ST3GAL3: variants seen among roughly 807,000 people sequenced by gnomAD.
ST3GAL3 encodes CMP-N-acetylneuraminate-beta-1,4-galactoside alpha-2,3-sialyltransferase.
ST3GAL3 carries 21 observed loss-of-function variants against 50.1 expected under a neutral mutation model. The observed-to-expected ratio is 0.42, with a 90% CI of 0.30 to 0.60. The LOEUF (loss-of-function observed/expected upper bound fraction) is 0.60. Among genes scored for constraint, ST3GAL3 ranks in the 20% least tolerant of loss-of-function variants. The pLI is 0.19. For synonymous variants in ST3GAL3, 183 were observed against 190.0 expected, an observed-to-expected ratio of 0.96 and a Z score of 0.30; for missense variants, 353 against 489.4, an observed-to-expected ratio of 0.72 and a Z score of 2.63.
chr1:43,754,567 G>T (rs1687365576), intron 2 of ST3GAL3, among the ~76,000 whole-genome samples: 1 of 152,174 alleles, frequency 6.6e-6, no homozygotes, highest in Non-Finnish European at 1.5e-5. Flanking sequence ...AGGCTCGTTG[G>T]ATGAAGCTGA....
chr1:43,911,616 GATATATCTATAGATATCT>G (rs1343184030), intron 9 of ST3GAL3, among the ~76,000 whole-genome samples: 1 of 133,308 alleles, frequency 7.5e-6, no homozygotes, highest in Non-Finnish European at 1.6e-5. Context: ...GATATCTACA[GATATATCTATAGATATCT>G]ATATCTATAG....
chr1:43,824,696 AT>A (rs780819440), intron 4 of ST3GAL3: 49 of 1,613,424 alleles, frequency 3.0e-5, no homozygotes, highest in Middle Eastern at 1.7e-4. Flanking sequence ...GAGCTATGTG[AT>A]CAAGACTGAA....
chr1:43,879,458 T>C (rs1002485322), intron 5 of ST3GAL3: 1 of 456,110 alleles, frequency 2.2e-6, no homozygotes, highest in East Asian at 7.0e-5. Context: ...TTGACCATCA[T>C]AGTGGTCCAG....
chr1:43,791,212 T>A (rs2058036314), intron 2 of ST3GAL3, among the ~76,000 whole-genome samples: 1 of 152,244 alleles, frequency 6.6e-6, no homozygotes, highest in South Asian at 2.1e-4. Context: ...CAGTTCCTAA[T>A]ATAAACTTTA....
At chr1:43,926,601 G>A (rs192072391) in intron 11 of ST3GAL3, among the ~76,000 whole-genome samples, 1,284 of 94,854 alleles carry the variant, frequency 0.014, 34 homozygotes, top group Admixed American at 0.088. Flanking sequence ...GTGAAACTCC[G>A]TCTCAAAAAA....
rs202136889 is a variant in ST3GAL3 at position 43,899,173 on chromosome 1, G to T, written c.467G>T (p.Arg156Leu). The T allele has an allele frequency of 1.9e-6, 3 of 1,614,100 alleles. No individual in the cohort carries two copies. In the Admixed American group the frequency reaches 5.0e-5, roughly 27 times the overall value. Reference protein sequence around the residue: ...YRLTPALDSLRCRRCIIVGNG... With the variant: ...YRLTPALDSLLCRRCIIVGNG... Reference sequence around the variant, plus strand: ...CTCCGCCTCTCTCCCCTCAGCCTCCGCTGCCGCCGCTGCATCATCGTGGGC... The same window carrying T: ...CTCCGCCTCTCTCCCCTCAGCCTCCTCTGCCGCCGCTGCATCATCGTGGGC... Residue 156 changes from arginine (R) to leucine (L), a missense_variant, in exon 8 of 12, where the codon CGC becomes CTC. Physicochemically the swap from Arg to Leu is moderately radical, Grantham distance 102. Coordinates refer to ENST00000347631, the MANE Select transcript of ST3GAL3 (RefSeq NM_006279.5). This position sits in a 1 kb window ranked among gnomAD's most constrained non-coding sequence, Gnocchi z 5.4.
intron 4 of ST3GAL3, among the ~76,000 whole-genome samples, chr1:43,832,706 CA>C (rs563914097): frequency 5.4e-5 from 8 of 148,584 alleles, no homozygotes; most frequent in South Asian, 2.1e-4. Flanking sequence ...AAGGCTATTT[CA>C]AAAAAAAAAT....
chr1:43,894,596 C>T (rs946310797), intron 6 of ST3GAL3, 119 bp downstream of exon 6: 6 of 895,912 alleles, frequency 6.7e-6, no homozygotes, highest in Non-Finnish European at 1.1e-5. Context: ...CCTCTACTCT[C>T]AACAAATCTT....
intron 5 of ST3GAL3, among the ~76,000 whole-genome samples, chr1:43,844,538 A>C (rs998352418): frequency 1.3e-5 from 2 of 152,178 alleles, no homozygotes; most frequent in Non-Finnish European, 2.9e-5. Context: ...GTGGCCGGGC[A>C]CGGTGGCTTA....
At chr1:43,795,173 C>G (rs926807715) in intron 3 of ST3GAL3, among the ~76,000 whole-genome samples, 18 of 152,334 alleles carry the variant, frequency 1.2e-4, no homozygotes, top group Middle Eastern at 3.4e-3. Flanking sequence ...TCCTCAGCCT[C>G]CATCTCCCTT....
At chr1:43,740,627 A>T (rs1189434233) in intron 2 of ST3GAL3, among the ~76,000 whole-genome samples, 1 of 152,052 alleles carries the variant, frequency 6.6e-6, no homozygotes, top group African/African-American at 2.4e-5. Context: ...TAATGTCACG[A>T]GGCCTTGTCT....
chr1:43,738,799 G>A (rs933346676), intron 2 of ST3GAL3: 7 of 152,122 alleles, frequency 4.6e-5, no homozygotes, highest in African/African-American at 1.4e-4. Context: ...CGCCCGGCCG[G>A]AGAGGAGTCC....
intron 3 of ST3GAL3, among the ~76,000 whole-genome samples, chr1:43,796,935 A>G (rs1405806608): frequency 2.6e-5 from 4 of 152,236 alleles, no homozygotes; most frequent in Admixed American, 2.0e-4. Context: ...TGTAATCCCA[A>G]CACTTTGGGA....
intron 4 of ST3GAL3, among the ~76,000 whole-genome samples, chr1:43,815,883 T>TTGGATGGATGGA (rs3838469): frequency 0.017 from 2,455 of 145,380 alleles, 36 homozygotes; most frequent in East Asian, 0.053. Context: ...GAATGCTTGG[T>TTGGATGGATGGA]TGGATGGATG....
At chr1:43,837,477 A>G (rs1451208674) in intron 4 of ST3GAL3, among the ~76,000 whole-genome samples, 1 of 152,190 alleles carries the variant, frequency 6.6e-6, no homozygotes, top group African/African-American at 2.4e-5. Context: ...TTCCCACTGG[A>G]TGGATCATAG....
At chr1:43,768,519 GAA>G (rs1283527834) in intron 2 of ST3GAL3, among the ~76,000 whole-genome samples, 5 of 152,180 alleles carry the variant, frequency 3.3e-5, no homozygotes, top group Non-Finnish European at 7.3e-5. Context: ...AGGGAGGAGA[GAA>G]ATTGAAGCAC....
rs1697125123 is a variant in ST3GAL3 at position 43,776,085 on chromosome 1, A to G, written c.119-16017A>G. ...TTTACTTACTTAAAGTTCAAAATTC[A>G]GTGGTTTTTAGTATATCCACAGAGC... On this transcript the variant is annotated intron_variant, in intron 2 of 11. Transcript: ENST00000347631. Among the ~76,000 whole-genome samples the G allele has an allele frequency of 2.0e-5, 3 of 152,332 alleles. No individual in the cohort carries two copies. The East Asian group carries it at 5.8e-4, about 29-fold the overall frequency.
intron 4 of ST3GAL3, chr1:43,824,915 T>C (rs536529084): frequency 2.8e-6 from 2 of 724,750 alleles, no homozygotes; most frequent in East Asian, 2.7e-5. Flanking sequence ...TGCAGCCAAA[T>C]TGAGAACCAC....
At chr1:43,802,341 T>C (rs3791057) in intron 3 of ST3GAL3, among the ~76,000 whole-genome samples, 59,069 of 152,160 alleles carry the variant, frequency 0.39, 11,881 homozygotes, top group East Asian at 0.59. Flanking sequence ...AATCCAACAG[T>C]TCTTCCTTTT....
Sources: allele counts gnomAD v4.1 joint callset (sites outside exome capture counted in the v4.1 genomes callset), GRCh38; gene constraint gnomAD v4.1.1; non-coding constraint Gnocchi (gnomAD v3.1); transcripts MANE v1.5; gene names NCBI Gene and HGNC (gene_info 2026-07-23, HGNC 2026-07-21).